Variants in ATL2 observed in about 807,000 individuals in gnomAD.
ATL2 encodes the protein atlastin-2.
A neutral mutation model predicts 73.9 loss-of-function variants in ATL2; 31 were observed. The ratio of observed to expected loss-of-function variants is 0.42; its 90% CI spans 0.32 to 0.57. ATL2 has a LOEUF of 0.57. Ranked by LOEUF, ATL2 falls within the 20% of genes least tolerant of loss-of-function variation. The pLI, the probability that ATL2 is intolerant of heterozygous loss-of-function variation, is 0.14. For synonymous variants in ATL2, 291 were observed against 237.5 expected (o/e 1.23, Z -2.07); for missense variants, 738 against 702.6 (o/e 1.05, Z -0.57).
At chr2:38,314,716 CAT>C (rs779458235) in intron 5 of ATL2, 52 bp from the exon 6 acceptor site, 5 of 1,220,606 alleles carry the variant, frequency 4.1e-6, no homozygotes, top group East Asian at 4.7e-5. Flanking sequence ...TGAAAGAAGA[CAT>C]GTGTAAACCT....
chr2:38,326,561 A>AAAT (rs1668673720), intron 2 of ATL2, among the ~76,000 whole-genome samples: 1 of 152,254 alleles, frequency 6.6e-6, no homozygotes, highest in Non-Finnish European at 1.5e-5. Flanking sequence ...AATACCAAAA[A>AAAT]AATCCACACT....
intron 12 of ATL2, chr2:38,296,438 G>GT (rs993931703): frequency 8.3e-6 from 13 of 1,562,932 alleles, no homozygotes; most frequent in Middle Eastern, 2.2e-4. Flanking sequence ...TCCTACATGT[G>GT]TAAGTGTGAA....
At chr2:38,377,046 A>C in intron 1 of ATL2, 97 bp downstream of exon 1, 3 of 1,149,024 alleles carry the variant, frequency 2.6e-6, no homozygotes, top group Non-Finnish European at 3.6e-6. Flanking sequence ...CCAGCCGCGG[A>C]CTCCGACCCC....
chr2:38,351,792 C>CA (rs926636801), intron 1 of ATL2, among the ~76,000 whole-genome samples: 3 of 147,402 alleles, frequency 2.0e-5, no homozygotes, highest in Non-Finnish European at 4.5e-5. Context: ...CTCACCTAGC[C>CA]AAAAAAATCT....
At chr2:38,377,379 C>T, upstream of ATL2, 2 of 746,110 alleles carry the variant, frequency 2.7e-6, no homozygotes, top group Non-Finnish European at 4.1e-6. Flanking sequence ...CCTGTATCTC[C>T]TCGCCCTCCG....
chr2:38,352,005 G>A (rs150572035), intron 1 of ATL2, among the ~76,000 whole-genome samples: 18,266 of 146,152 alleles, frequency 0.12, 3,256 homozygotes, highest in African/African-American at 0.41. Context: ...TCAGCTACTC[G>A]GGAGGCTGAG....
chr2:38,354,843 T>C (rs965310180), intron 1 of ATL2, among the ~76,000 whole-genome samples: 12 of 152,060 alleles, frequency 7.9e-5, no homozygotes, highest in African/African-American at 2.9e-4. Flanking sequence ...TGAGCCGAGA[T>C]TGTGCCATTG....
chr2:38,313,161 T>C lies in ATL2; in HGVS notation c.794A>G (p.Lys265Arg), dbSNP rs774242359. The C allele has an allele frequency of 6.2e-7, 1 of 1,611,890 alleles. No individual in the cohort carries two copies. Among genetic ancestry groups the C allele is most frequent in the Non-Finnish European group, 8.5e-7 (1 of 1,178,436 alleles). The change falls in exon 7 of 13, where the codon AAG becomes AGG. Residue 265 changes from lysine to arginine, a missense_variant. Lys to Arg is a conservative substitution (Grantham distance 26). Transcript: ENST00000378954. The part of the protein sequence containing the change: ...GLEGGKQFLE[K>R]RLQVKQNQHE... Reference sequence around the variant, plus strand: ...GCATTAGGGTCTTACCTGTAATCTCTTTTCAAGAAATTGCTTTCCACCTTC... The same window carrying C: ...GCATTAGGGTCTTACCTGTAATCTCCTTTCAAGAAATTGCTTTCCACCTTC...
intron 1 of ATL2, among the ~76,000 whole-genome samples, chr2:38,353,357 G>T (rs879711613): frequency 1.3e-5 from 2 of 152,112 alleles, no homozygotes; most frequent in African/African-American, 4.8e-5. Context: ...GGTAACAGAA[G>T]AAAGTTTGTA....
intron 1 of ATL2, among the ~76,000 whole-genome samples, chr2:38,374,898 C>A (rs953236617): frequency 4.6e-5 from 7 of 152,216 alleles, no homozygotes; most frequent in African/African-American, 1.4e-4. Flanking sequence ...CACCTATGTG[C>A]ACTCGACTTA....
chr2:38,350,027 A>G (rs928856451), intron 1 of ATL2, among the ~76,000 whole-genome samples: 1 of 152,264 alleles, frequency 6.6e-6, no homozygotes, highest in African/African-American at 2.4e-5. Flanking sequence ...TGAATAAAAG[A>G]GAATTGTATG....
intron 2 of ATL2, among the ~76,000 whole-genome samples, chr2:38,336,967 C>A: frequency 6.6e-6 from 1 of 152,136 alleles, no homozygotes; most frequent in East Asian, 1.9e-4. Flanking sequence ...ATTCAACTAA[C>A]AACTTACAGA....
At chr2:38,377,112 G>A (rs776708460) in intron 1 of ATL2, 31 bp downstream of exon 1, 2 of 1,595,572 alleles carry the variant, frequency 1.3e-6, no homozygotes, top group Admixed American at 3.4e-5. Context: ...CCCCATCAGG[G>A]CCCCGCGGCC....
chr2:38,358,611 G>A (rs779744896), intron 1 of ATL2: 10 of 259,056 alleles, frequency 3.9e-5, no homozygotes, highest in South Asian at 2.6e-4. Flanking sequence ...AGAATGGCGT[G>A]GACCCAAGAG....
Position 38,294,389 on chromosome 2 carries a change from A to G in ATL2, c.*1605T>C, listed in dbSNP as rs1044806598. On this transcript the variant is annotated 3_prime_UTR_variant, in exon 13 of 13. Coordinates refer to ENST00000378954, the MANE Select transcript of ATL2 (RefSeq NM_001135673.4). ...CGGTGAAACCCCATCTCTACTTAAAATAGAAAACATTAGCCGGGAATGGTG... is the reference window on the plus strand; with the variant it reads ...CGGTGAAACCCCATCTCTACTTAAAGTAGAAAACATTAGCCGGGAATGGTG... 3.9e-5 allele frequency among the ~76,000 whole-genome samples: 6 copies of G among 152,210 alleles called. No individual in the cohort carries two copies. The highest frequency in any genetic ancestry group is 6.5e-5 in the Admixed American group (1 of 15,280).
intron 2 of ATL2, among the ~76,000 whole-genome samples, chr2:38,323,622 T>A (rs1016145179): frequency 6.6e-6 from 1 of 152,024 alleles, no homozygotes; most frequent in Non-Finnish European, 1.5e-5. Flanking sequence ...AGAAACAAAT[T>A]CATATTTTAC....
intron 1 of ATL2, among the ~76,000 whole-genome samples, chr2:38,351,051 A>G (rs1261551682): frequency 6.6e-6 from 1 of 152,252 alleles, no homozygotes; most frequent in East Asian, 1.9e-4. Flanking sequence ...TCACCTTTCA[A>G]AAGGAATGAA....
At chr2:38,296,252 A>G (rs1666887669) in intron 12 of ATL2, 139 bp from the exon 13 acceptor site, 2 of 1,430,068 alleles carry the variant, frequency 1.4e-6, no homozygotes, top group Non-Finnish European at 1.8e-6. Context: ...TGCTTCTCTC[A>G]AAAAAACTTA....
Position 38,294,944 on chromosome 2 carries a change from T to C in ATL2, c.*1050A>G, listed in dbSNP as rs552224471. On this transcript the variant is annotated 3_prime_UTR_variant, in exon 13 of 13. Coordinates refer to ENST00000378954, the MANE Select transcript of ATL2 (RefSeq NM_001135673.4). ...GAAAATAAATTACAGGAAATAACTT[T>C]AAAATGCAACAGAGGACAAAGTCAC... is the stretch of plus-strand genomic sequence containing the variant. 3.0e-5 allele frequency: 4 copies of C among 131,496 alleles called. No individual in the cohort carries two copies. Among genetic ancestry groups the C allele is most frequent in the Admixed American group, 1.9e-4 (2 of 10,356 alleles). The allele number at this position is 131,496 out of a possible 1,614,324, so 8.1% of individuals were successfully genotyped here. A position where few individuals can be genotyped will look rare whatever the true frequency, so the allele number is the denominator to read the frequency against.
Sources: allele counts gnomAD v4.1 joint callset (sites outside exome capture counted in the v4.1 genomes callset), GRCh38; gene constraint gnomAD v4.1.1; transcripts MANE v1.5; gene names NCBI Gene and HGNC (gene_info 2026-07-23, HGNC 2026-07-21).